GPAT3: variants seen among roughly 807,000 people sequenced by gnomAD.
GPAT3 encodes 1-AGP acyltransferase 9.
GPAT3 carries 53 observed loss-of-function variants against 58.8 expected under a neutral mutation model. The ratio of observed to expected loss-of-function variants is 0.90; its 90% CI spans 0.72 to 1.13. The LOEUF is 1.13. Among genes scored for constraint, GPAT3 ranks in the 50% most tolerant of loss-of-function variants. The probability of loss-of-function intolerance (pLI) is 0.00; values close to 1 mark genes in which losing one functional copy is unlikely to be tolerated. For missense variants in GPAT3, 511 were observed against 527.6 expected (o/e 0.97, Z 0.31); for synonymous variants, 197 against 187.4 (o/e 1.05, Z -0.42).
In GPAT3 at chr4:83,605,468, A is replaced by C. The variant is rs1462818809; in HGVS notation, c.*701A>C. 6.6e-6 allele frequency: 1 copy of C among 152,326 alleles called. No homozygotes were observed. Among genetic ancestry groups the C allele is most frequent in the Non-Finnish European group, 1.5e-5 (1 of 68,046 alleles). 9.4% of individuals were successfully genotyped at this position (152,326 alleles called of 1,614,324 possible). Reference sequence around the variant, plus strand: ...TTAGTTTTCCTTGTTTGAATGCTGTAGATCTGTACCTAGTACCCCTCCCAT... The same window carrying C: ...TTAGTTTTCCTTGTTTGAATGCTGTCGATCTGTACCTAGTACCCCTCCCAT... On this transcript the variant is annotated 3_prime_UTR_variant, in exon 12 of 12. Coordinates refer to ENST00000264409, the MANE Select transcript of GPAT3 (RefSeq NM_032717.5).
intron 6 of GPAT3, among the ~76,000 whole-genome samples, chr4:83,594,160 A>G (rs533654923): frequency 2.0e-5 from 3 of 152,288 alleles, no homozygotes; most frequent in Admixed American, 6.5e-5. Flanking sequence ...ACTCTTTATC[A>G]GTCATAGAGA....
At chr4:83,550,591 T>C (rs937640700) in intron 2 of GPAT3, among the ~76,000 whole-genome samples, 8 of 152,216 alleles carry the variant, frequency 5.3e-5, no homozygotes, top group African/African-American at 1.9e-4. Context: ...TGTCTTTTAA[T>C]GCATAAAGGA....
At chr4:83,541,393 CTTTTT>C (rs777665390) in intron 1 of GPAT3, among the ~76,000 whole-genome samples, 1 of 113,692 alleles carries the variant, frequency 8.8e-6, no homozygotes, top group Non-Finnish European at 1.7e-5. Flanking sequence ...AATTTAAAAC[CTTTTT>C]TTTTTTTTTT....
chr4:83,539,539 T>C (rs1442213085), intron 1 of GPAT3, among the ~76,000 whole-genome samples: 2 of 152,220 alleles, frequency 1.3e-5, no homozygotes, highest in Non-Finnish European at 2.9e-5. Context: ...ACCCTCTAAA[T>C]TGCTGATTTT....
At chr4:83,578,924 T>C (rs1193438519) in intron 2 of GPAT3, among the ~76,000 whole-genome samples, 1 of 18,670 alleles carries the variant, frequency 5.4e-5, no homozygotes, top group Non-Finnish European at 1.0e-4. Context: ...TTTTTTCTTT[T>C]CTTTCTTTCT....
Position 83,594,953 on chromosome 4 carries a change from A to G in GPAT3, c.847A>G (p.Thr283Ala). ...RSEMKDRHLVTKRLKEHIADK... is the reference protein window; with the variant it reads ...RSEMKDRHLVAKRLKEHIADK... ...AGAAATGAAGGATCGACACCTGGTT[A>G]CTAAGAGGTAAGCAGTGAAATTACT... Residue 283 changes from threonine (T) to alanine (A), a missense_variant, in exon 7 of 12, where the codon ACT becomes GCT. By Grantham distance (58) the Thr-to-Ala change is moderately conservative. Transcript: ENST00000264409. 2 of 1,613,568 alleles carry G rather than the reference A, an allele frequency of 1.2e-6. No homozygotes were observed. Among genetic ancestry groups the G allele is most frequent in the South Asian group, 1.1e-5 (1 of 91,054 alleles).
At chr4:83,574,106 C>T (rs1022884700) in intron 2 of GPAT3, among the ~76,000 whole-genome samples, 2 of 152,160 alleles carry the variant, frequency 1.3e-5, no homozygotes, top group African/African-American at 4.8e-5. Context: ...CTCACACAGA[C>T]CACTTCAATC....
intron 3 of GPAT3, among the ~76,000 whole-genome samples, chr4:83,583,673 A>G (rs1179140755): frequency 6.9e-6 from 1 of 144,816 alleles, no homozygotes; most frequent in Non-Finnish European, 1.5e-5. Context: ...GTCTGAAAAA[A>G]AAAAAAAAAA....
At chr4:83,549,752 TG>T (rs1724685080) in intron 2 of GPAT3, among the ~76,000 whole-genome samples, 1 of 148,238 alleles carries the variant, frequency 6.7e-6, no homozygotes, top group African/African-American at 2.5e-5. Flanking sequence ...AGATGGAGTC[TG>T]GCTCTGTTGC....
At chr4:83,594,462 G>A (rs1326952540) in intron 6 of GPAT3, among the ~76,000 whole-genome samples, 1 of 152,146 alleles carries the variant, frequency 6.6e-6, no homozygotes, top group African/African-American at 2.4e-5. Context: ...CTTCCACCAA[G>A]CAATGTTTGA....
At chr4:83,542,250 A>G (rs1724331872) in intron 1 of GPAT3, among the ~76,000 whole-genome samples, 1 of 152,236 alleles carries the variant, frequency 6.6e-6, no homozygotes, top group South Asian at 2.1e-4. Context: ...TTTTATTTTA[A>G]TCATATCTGG....
chr4:83,603,554 G>A (rs548606614), intron 11 of GPAT3, among the ~76,000 whole-genome samples: 6 of 152,336 alleles, frequency 3.9e-5, no homozygotes, highest in African/African-American at 1.4e-4. Context: ...ACTTTGGGAG[G>A]CTGAGGCAGG....
chr4:83,559,116 A>C (rs2110080556), intron 2 of GPAT3, among the ~76,000 whole-genome samples: 1 of 152,336 alleles, frequency 6.6e-6, no homozygotes, highest in African/African-American at 2.4e-5. Flanking sequence ...AAGTAGGATA[A>C]ATAGTTTAGA....
At chr4:83,544,659 C>A in intron 2 of GPAT3, 57 bp downstream of exon 2, 1 of 1,525,896 alleles carries the variant, frequency 6.6e-7, no homozygotes, top group Non-Finnish European at 9.1e-7. Flanking sequence ...GGATGTAAAC[C>A]TACCCAATTT....
chr4:83,562,200 A>AG lies in GPAT3; in HGVS notation c.208+17598_208+17599insG, dbSNP rs1725171217. The stretch of plus-strand genomic sequence containing the variant: ...TATATTATATATATATATATATATA[A>AG]TATATATATATTATATATATATATA... On this transcript the variant is annotated intron_variant, in intron 2 of 11. Transcript: ENST00000264409. Among the ~76,000 whole-genome samples the AG allele has an allele frequency of 9.1e-5, 3 of 32,980 alleles. No individual in the cohort carries two copies. In the East Asian group the frequency reaches 1.9e-3, roughly 21 times the overall value. The allele number at this position is 32,980 out of a possible 152,430, so 21.6% of individuals were successfully genotyped here.
chr4:83,588,338 C>A, intron 5 of GPAT3, 39 bp downstream of exon 5: 2 of 1,571,570 alleles, frequency 1.3e-6, no homozygotes, highest in South Asian at 2.2e-5. Flanking sequence ...TTTTCTAGGT[C>A]AATTCAGCAT....
intron 2 of GPAT3, among the ~76,000 whole-genome samples, chr4:83,554,374 G>T (rs1560606829): frequency 6.6e-6 from 1 of 152,048 alleles, no homozygotes; most frequent in Non-Finnish European, 1.5e-5. Flanking sequence ...CATTTTAGAA[G>T]TATTCCCCAA....
At chr4:83,579,058 CT>C (rs1560621188) in intron 2 of GPAT3, among the ~76,000 whole-genome samples, 19 of 38,832 alleles carry the variant, frequency 4.9e-4, no homozygotes, top group African/African-American at 1.7e-3. Flanking sequence ...TTCTTTCTTT[CT>C]TTCTTTCTTT....
chr4:83,599,629 A>G (rs1409058443), intron 11 of GPAT3, among the ~76,000 whole-genome samples: 2 of 152,202 alleles, frequency 1.3e-5, no homozygotes, highest in South Asian at 2.1e-4. Flanking sequence ...AGCTATAACT[A>G]TATTGTAAGA....
Sources: gnomAD v4.1 joint callset for allele counts (sites outside exome capture counted in the v4.1 genomes callset) on GRCh38, gnomAD v4.1.1 for gene constraint, MANE v1.5 for transcripts, NCBI Gene and HGNC (gene_info 2026-07-23, HGNC 2026-07-21) for gene names.